Variants in FOCAD observed in about 807,000 individuals in gnomAD.
The protein encoded by FOCAD is KIAA1797.
In FOCAD, 198 loss-of-function variants were observed where a neutral mutation model predicts 225.6. That is an observed-to-expected ratio of 0.88 (90% CI 0.78 to 0.99). FOCAD has a LOEUF of 0.99. FOCAD is among the 50% of genes least tolerant of loss of function. The pLI is 0.00. For missense variants in FOCAD, 2,713 were observed against 2,123.6 expected, an observed-to-expected ratio of 1.28 and a Z score of -5.46; for synonymous variants, 897 against 755.0, an observed-to-expected ratio of 1.19 and a Z score of -3.08.
At position 20,802,975 on chromosome 9, in the gene FOCAD, A is replaced by G. The variant is rs923361252; in HGVS notation, c.1455+13367A>G. Reference sequence around the variant, plus strand: ...AGTAATAGAATTTTATTTCTTTAACATTTTTCTCTAATTCCGTATTGCCTC... The same window carrying G: ...AGTAATAGAATTTTATTTCTTTAACGTTTTTCTCTAATTCCGTATTGCCTC... On this transcript the variant is annotated intron_variant, in intron 11 of 43. Transcript: ENST00000338382. Among the ~76,000 whole-genome samples the G allele has an allele frequency of 5.3e-5, 8 of 152,144 alleles. No homozygotes were observed. In the East Asian group the frequency reaches 1.6e-3, roughly 30 times the overall value.
intron 9 of FOCAD, among the ~76,000 whole-genome samples, chr9:20,779,297 C>T (rs954538266): frequency 5.3e-5 from 8 of 152,304 alleles, no homozygotes; most frequent in African/African-American, 1.7e-4. Flanking sequence ...GTTGCCCTAT[C>T]GGGCAAATAA....
intron 5 of FOCAD, among the ~76,000 whole-genome samples, chr9:20,743,968 C>T (rs550085960): frequency 6.6e-6 from 1 of 152,258 alleles, no homozygotes; most frequent in South Asian, 2.1e-4. Flanking sequence ...GTTTGTCTTA[C>T]ATGTGTCAGT....
intron 10 of FOCAD, among the ~76,000 whole-genome samples, chr9:20,786,123 G>T (rs1390904704): frequency 1.3e-5 from 2 of 152,088 alleles, no homozygotes; most frequent in African/African-American, 2.4e-5. Flanking sequence ...TGATTCTAGG[G>T]CCTGAATCCT....
At chr9:20,786,472 G>A (rs1315544381) in intron 10 of FOCAD, among the ~76,000 whole-genome samples, 1 of 152,046 alleles carries the variant, frequency 6.6e-6, no homozygotes, top group Non-Finnish European at 1.5e-5. Flanking sequence ...GCTCTCTTGA[G>A]GGTTTATGTA....
At chr9:20,724,894 C>T (rs1047877075) in intron 4 of FOCAD, among the ~76,000 whole-genome samples, 1 of 152,122 alleles carries the variant, frequency 6.6e-6, no homozygotes, top group Non-Finnish European at 1.5e-5. Flanking sequence ...ATGGGCCAGG[C>T]GTGGTGGCTC....
chr9:20,676,561 A>G (rs1296461666), intron 2 of FOCAD, among the ~76,000 whole-genome samples: 1 of 152,220 alleles, frequency 6.6e-6, no homozygotes, highest in East Asian at 1.9e-4. Flanking sequence ...AATCACAAGT[A>G]ATGTCAACCT....
chr9:20,678,246 G>C (rs1371366391), intron 2 of FOCAD, among the ~76,000 whole-genome samples: 1 of 152,158 alleles, frequency 6.6e-6, no homozygotes, highest in African/African-American at 2.4e-5. Flanking sequence ...GTAAGGATCT[G>C]ATATTGTCTT....
At chr9:20,941,329 C>A (rs1480659672) in intron 28 of FOCAD, among the ~76,000 whole-genome samples, 1 of 152,198 alleles carries the variant, frequency 6.6e-6, no homozygotes, top group Admixed American at 6.5e-5. Context: ...GTCATGCAGT[C>A]ATCAATGACC....
At chr9:20,805,045 T>A (rs889131613) in intron 11 of FOCAD, among the ~76,000 whole-genome samples, 1 of 152,214 alleles carries the variant, frequency 6.6e-6, no homozygotes, top group African/African-American at 2.4e-5. Flanking sequence ...TCTGTAATAG[T>A]TTCCGCAGGG....
At chr9:20,761,290 GGGTTACTTTAA>G (rs1289637719) in intron 6 of FOCAD, among the ~76,000 whole-genome samples, 2 of 152,164 alleles carry the variant, frequency 1.3e-5, no homozygotes, top group African/African-American at 4.8e-5. Context: ...ATTTTAGGCT[GGGTTACTTTAA>G]GATTATCTAG....
intron 40 of FOCAD, 25 bp downstream of exon 40, chr9:20,986,490 C>A (rs2132667833): frequency 6.4e-7 from 1 of 1,566,356 alleles, no homozygotes; most frequent in Non-Finnish European, 8.6e-7. Flanking sequence ...GGGTGAACAT[C>A]AGAAACAGGA....
Position 20,916,899 on chromosome 9 carries a change from A to G in FOCAD, c.2814A>G (p.Arg938=). The part of the protein sequence containing the change: ...YKKSTAWLWV[R]DMLTDEITKA... ...TTTTCCATCTTTATTGCAGGGTTAG[A>G]GACATGCTGACTGATGAGATCACCA... Residue 938 remains arginine, a synonymous_variant, in exon 24 of 44, where the codon AGA becomes AGG. Coordinates refer to ENST00000338382, the MANE Select transcript of FOCAD (RefSeq NM_001375567.1). The G allele has an allele frequency of 6.2e-7, 1 of 1,606,612 alleles. No homozygotes were observed. The highest frequency in any genetic ancestry group is 8.5e-7 in the Non-Finnish European group (1 of 1,177,500).
chr9:20,858,105 T>C (rs1016160619), intron 15 of FOCAD, among the ~76,000 whole-genome samples: 1 of 152,092 alleles, frequency 6.6e-6, no homozygotes, highest in African/African-American at 2.4e-5. Context: ...AATGGCCTCA[T>C]AGAATGAATT....
chr9:20,934,413 A>G (rs1397054365), intron 28 of FOCAD, among the ~76,000 whole-genome samples: 1 of 151,802 alleles, frequency 6.6e-6, no homozygotes, highest in East Asian at 1.9e-4. Flanking sequence ...CCTTCTGTAC[A>G]GTTTTATTCT....
In FOCAD at chr9:20,781,801, C is replaced by A; in HGVS notation, c.1069C>A (p.Gln357Lys). ...SSLLLVMPIL[Q>K]ILSSTALEDC... ...TCTGCTGCTAGTGATGCCAATTCTG[C>A]AGATACTATCTTCTACTGCCTTGGA... Residue 357 changes from glutamine (Q) to lysine (K), a missense_variant, in exon 10 of 44, where the codon CAG becomes AAG. Coordinates refer to ENST00000338382, the MANE Select transcript of FOCAD (RefSeq NM_001375567.1). 1 of 1,614,080 alleles carries A rather than the reference C, an allele frequency of 6.2e-7. No homozygotes were observed. The highest frequency in any genetic ancestry group is 1.1e-5 in the South Asian group (1 of 91,078).
At chr9:20,992,119 A>G (rs1216530958) in intron 42 of FOCAD, among the ~76,000 whole-genome samples, 7 of 152,142 alleles carry the variant, frequency 4.6e-5, no homozygotes, top group Non-Finnish European at 8.8e-5. Context: ...TCACCAATGT[A>G]TGTGTTTTTA....
chr9:20,994,862 T>C (rs560102768), intron 43 of FOCAD, among the ~76,000 whole-genome samples: 3 of 152,330 alleles, frequency 2.0e-5, no homozygotes, highest in Admixed American at 1.3e-4. Context: ...CTTGATTATA[T>C]AGTAGGCTTA....
intron 13 of FOCAD, 89 bp from the exon 14 acceptor site, chr9:20,820,852 T>A: frequency 7.1e-7 from 1 of 1,402,610 alleles, no homozygotes; most frequent in Non-Finnish European, 9.8e-7. Context: ...AAATGGAGGA[T>A]TTGGAGGTGA....
chr9:20,670,036 T>C (rs1191720134), intron 2 of FOCAD, among the ~76,000 whole-genome samples: 1 of 152,210 alleles, frequency 6.6e-6, no homozygotes, highest in Non-Finnish European at 1.5e-5. Context: ...GCAAGCCCTA[T>C]GATGGCAGCA....
Sources: gnomAD v4.1 joint callset for allele counts (sites outside exome capture counted in the v4.1 genomes callset) on GRCh38, gnomAD v4.1.1 for gene constraint, MANE v1.5 for transcripts, NCBI Gene and HGNC (gene_info 2026-07-23, HGNC 2026-07-21) for gene names.